Variants in PDE4D observed in about 807,000 individuals in gnomAD.
PDE4D encodes the protein 3',5'-cyclic-AMP phosphodiesterase 4D.
PDE4D carries 24 observed loss-of-function variants against 87.4 expected under a neutral mutation model. The ratio of observed to expected loss-of-function variants is 0.27; its 90% CI spans 0.20 to 0.39. PDE4D has a LOEUF of 0.39. Among genes scored for constraint, PDE4D ranks in the 10% least tolerant of loss-of-function variants. The pLI is 1.00. For synonymous variants in PDE4D, 384 were observed against 383.2 expected, an observed-to-expected ratio of 1.00 and a Z score of -0.02; for missense variants, 714 against 1,041.0, an observed-to-expected ratio of 0.69 and a Z score of 4.32.
At chr5:59,088,750 C>T (rs1768169935) in intron 5 of PDE4D, among the ~76,000 whole-genome samples, 2 of 152,036 alleles carry the variant, frequency 1.3e-5, no homozygotes, top group South Asian at 4.1e-4. Context: ...AACTCATGGA[C>T]ACATAGAGGG....
chr5:59,705,203 T>C (rs1437426080), intron 1 of PDE4D, among the ~76,000 whole-genome samples: 1 of 152,182 alleles, frequency 6.6e-6, no homozygotes, highest in African/African-American at 2.4e-5. Flanking sequence ...GTTCCAGGCC[T>C]GAGAAGAAGA....
intron 2 of PDE4D, among the ~76,000 whole-genome samples, chr5:60,068,622 C>T (rs1216311817): frequency 1.3e-5 from 2 of 151,814 alleles, no homozygotes; most frequent in Non-Finnish European, 2.9e-5. Flanking sequence ...GCAATAGGGT[C>T]TGGATCTGTC....
chr5:60,056,367 T>C (rs1770777612), intron 2 of PDE4D, among the ~76,000 whole-genome samples: 1 of 151,910 alleles, frequency 6.6e-6, no homozygotes, highest in Non-Finnish European at 1.5e-5. Flanking sequence ...ATGTCTGTCA[T>C]AATGTGAATG....
intron 1 of PDE4D, among the ~76,000 whole-genome samples, chr5:60,303,528 C>T (rs1003666717): frequency 1.3e-5 from 2 of 151,158 alleles, no homozygotes; most frequent in East Asian, 2.0e-4. Flanking sequence ...AGGATGGTCT[C>T]GATCTCCTGA....
chr5:60,336,056 T>A (rs969932603), intron 1 of PDE4D, among the ~76,000 whole-genome samples: 1 of 152,148 alleles, frequency 6.6e-6, no homozygotes, highest in Non-Finnish European at 1.5e-5. Context: ...AGGAAAAGAA[T>A]GAAGAATTCC....
chr5:59,914,827 G>A (rs1050435324), intron 3 of PDE4D, among the ~76,000 whole-genome samples: 1 of 143,586 alleles, frequency 7.0e-6, no homozygotes, highest in Non-Finnish European at 1.5e-5. Flanking sequence ...TAGGAGAAGG[G>A]GAAGTATAGT....
chr5:60,162,196 C>T (rs1177496363), intron 2 of PDE4D, among the ~76,000 whole-genome samples: 5 of 152,024 alleles, frequency 3.3e-5, no homozygotes, highest in African/African-American at 2.4e-5. Flanking sequence ...GTAAAAGAGA[C>T]GTTAGCAAAA....
intron 1 of PDE4D, among the ~76,000 whole-genome samples, chr5:59,797,870 A>G (rs904009711): frequency 2.0e-5 from 3 of 151,934 alleles, no homozygotes; most frequent in Non-Finnish European, 4.4e-5. Flanking sequence ...TCCTTTTTGC[A>G]AGTAGGTGTT....
intron 1 of PDE4D, among the ~76,000 whole-genome samples, chr5:59,285,212 T>TAAA (rs35238877): frequency 0.041 from 5,472 of 134,560 alleles, 120 homozygotes; most frequent in African/African-American, 0.058. Flanking sequence ...TAAAGTATAA[T>TAAA]AAAAAAAAAA....
chr5:60,388,085 G>A (rs1408639335), intron 1 of PDE4D, among the ~76,000 whole-genome samples: 1 of 152,104 alleles, frequency 6.6e-6, no homozygotes, highest in African/African-American at 2.4e-5. Flanking sequence ...TGAGGTATGA[G>A]GGAAGATGCA....
intron 1 of PDE4D, among the ~76,000 whole-genome samples, chr5:59,471,552 G>A (rs549272978): frequency 2.1e-3 from 322 of 152,312 alleles, no homozygotes; most frequent in Middle Eastern, 0.017. Context: ...GCACCACAAA[G>A]CAGCACAAAT....
At chr5:60,517,718 G>A (rs907018746) in intron 1 of PDE4D, among the ~76,000 whole-genome samples, 3 of 152,150 alleles carry the variant, frequency 2.0e-5, no homozygotes, top group South Asian at 4.1e-4. Context: ...CCCACTTCAG[G>A]TCTCCTGGGA....
chr5:59,356,737 A>G, intron 1 of PDE4D: 1 of 1,560,096 alleles, frequency 6.4e-7, no homozygotes, highest in Non-Finnish European at 8.6e-7. Context: ...CTTCCTAGCT[A>G]CAAAAGGAAA....
intron 1 of PDE4D, among the ~76,000 whole-genome samples, chr5:59,351,206 G>T (rs1267581738): frequency 1.3e-5 from 2 of 152,072 alleles, no homozygotes; most frequent in African/African-American, 4.8e-5. Context: ...CATGGAAATG[G>T]CTCAGAGAGG....
At chr5:59,355,456 A>ATGT (rs1781228909) in intron 1 of PDE4D, among the ~76,000 whole-genome samples, 2 of 152,182 alleles carry the variant, frequency 1.3e-5, no homozygotes, top group Non-Finnish European at 2.9e-5. Flanking sequence ...TGTTGGAAAT[A>ATGT]TGCACAGTAA....
intron 2 of PDE4D, among the ~76,000 whole-genome samples, chr5:60,132,859 G>GA (rs1011044022): frequency 4.7e-5 from 7 of 149,152 alleles, no homozygotes; most frequent in Non-Finnish European, 7.4e-5. Context: ...TATACCTCGA[G>GA]AAAAAAAAAA....
intron 2 of PDE4D, among the ~76,000 whole-genome samples, chr5:59,998,922 C>A (rs1052636303): frequency 2.6e-5 from 4 of 151,998 alleles, no homozygotes; most frequent in South Asian, 2.1e-4. Flanking sequence ...TGACTATGTA[C>A]GTGTGAGATG....
rs758989713 is a variant in PDE4D, at chr5:59,980,616, A to G, written c.272+7872T>C. Among the ~76,000 whole-genome samples, 43 of 152,218 alleles carry G rather than the reference A, an allele frequency of 2.8e-4. 1 individual carries two copies. Among genetic ancestry groups the G allele is most frequent in the Non-Finnish European group, 4.9e-4 (33 of 68,036 alleles). ...TCCCCTGGTACATGCTGCTTTACTG[A>G]CACACAGATATAAAGTAAAATACTG... On this transcript the variant is annotated intron_variant, in intron 3 of 16. Transcript: ENST00000502484.
chr5:59,943,249 T>G (rs538037913), intron 3 of PDE4D, among the ~76,000 whole-genome samples: 2 of 151,944 alleles, frequency 1.3e-5, no homozygotes, highest in East Asian at 3.9e-4. Context: ...AGAGGGTAAG[T>G]GATTAGTCCC....
Sources: gnomAD v4.1 joint callset for allele counts (sites outside exome capture counted in the v4.1 genomes callset) on GRCh38, gnomAD v4.1.1 for gene constraint, MANE v1.5 for transcripts, NCBI Gene and HGNC (gene_info 2026-07-23, HGNC 2026-07-21) for gene names.